The following ZNF726 variants were observed in gnomAD, a reference collection of about 807,000 sequenced individuals.
The protein encoded by ZNF726 is zinc finger protein 92 pseudogene 3.
Under a neutral mutation model 11.6 loss-of-function variants are expected in ZNF726, and 15 were observed. The ratio of observed to expected loss-of-function variants is 1.29; its 90% CI spans 0.86 to 1.99. The LOEUF (loss-of-function observed/expected upper bound fraction) is 1.99. Ranked by LOEUF, ZNF726 falls within the 30% of genes most tolerant of loss-of-function variation. ZNF726 has a pLI of 0.00. For missense variants in ZNF726, 890 were observed against 725.6 expected, an observed-to-expected ratio of 1.23 and a Z score of -2.60; for synonymous variants, 295 against 243.6, an observed-to-expected ratio of 1.21 and a Z score of -1.96.
At chr19:23,936,493 CAT>C (rs59068605), downstream of ZNF726, among the ~76,000 whole-genome samples, 26,300 of 151,898 alleles carry the variant, frequency 0.17, 2,356 homozygotes, top group East Asian at 0.22. Context: ...CATGTGAAAA[CAT>C]GTGACTAATT....
chr19:23,920,055 C>G lies in ZNF726; in HGVS notation c.199C>G (p.Arg67Gly), dbSNP rs764106093. The G allele has an allele frequency of 6.6e-5, 105 of 1,586,904 alleles. 3 individuals carry two copies. The South Asian group carries it at 1.1e-3, about 17-fold the overall frequency. ...AGAAAAAGAGCCCTGGAATATGAAG[C>G]GAGATGAGATGGTGGATGAACCCCC... ...EKEKEPWNMK[R>G]DEMVDEPPGI... The change falls in exon 3 of 4, where the codon CGA becomes GGA. Residue 67 changes from arginine (R) to glycine (G), a missense_variant. Physicochemically the swap from Arg to Gly is moderately radical, Grantham distance 125. Coordinates refer to ENST00000594466, the MANE Select transcript of ZNF726 (RefSeq NM_001244038.2).
At chr19:23,927,532 C>T (rs1229092857) in intron 3 of ZNF726, among the ~76,000 whole-genome samples, 1 of 152,174 alleles carries the variant, frequency 6.6e-6, no homozygotes, top group Non-Finnish European at 1.5e-5. Flanking sequence ...TACTCTGTCA[C>T]CCAGGCTGGA....
chr19:23,937,750 G>A (rs143736958), downstream of ZNF726, among the ~76,000 whole-genome samples: 10,764 of 152,188 alleles, frequency 0.071, 875 homozygotes, highest in African/African-American at 0.19. Context: ...GGTGGTGGCC[G>A]GGCAGAGGCT....
At position 23,933,795 on chromosome 19, in the gene ZNF726, C is replaced by T. The variant is rs549866302; in HGVS notation, c.1679C>T (p.Thr560Ile). 1.2e-6 allele frequency: 2 copies of T among 1,607,086 alleles called. No homozygotes were observed. Among genetic ancestry groups the T allele is most frequent in the African/African-American group, 2.7e-5 (2 of 74,416 alleles). Residue 560 changes from threonine to isoleucine, a missense_variant, in exon 4 of 4, where the codon ACT becomes ATT. Thr to Ile is a moderately conservative substitution (Grantham distance 89). Coordinates refer to ENST00000594466, the MANE Select transcript of ZNF726 (RefSeq NM_001244038.2). ...SNLSTHKIIH[T>I]GEKPYKCEEC... ...CTTAGTACACATAAGATAATTCATA[C>T]TGGAGAGAAACCTTACAAGTGTGAA... is the stretch of plus-strand genomic sequence containing the variant.
In ZNF726 at chr19:23,934,254, C is replaced by A. The variant is rs768198050; in HGVS notation, c.*287C>A. The A allele has an allele frequency of 4.5e-6, 3 of 672,022 alleles. No individual in the cohort carries two copies. The highest frequency in any genetic ancestry group is 5.6e-6 in the Non-Finnish European group (2 of 355,186). The allele number at this position is 672,022 out of a possible 1,614,324, so 41.6% of individuals were successfully genotyped here. ...TGAAAAATGTGGCAAAGCATATGGT[C>A]CACACCCCTAAGTAGACATAAGAGG... On this transcript the variant is annotated 3_prime_UTR_variant, in exon 4 of 4. Transcript: ENST00000594466.
intron 3 of ZNF726, among the ~76,000 whole-genome samples, chr19:23,930,093 C>T (rs1243911711): frequency 2.0e-5 from 3 of 152,206 alleles, no homozygotes; most frequent in Non-Finnish European, 2.9e-5. Flanking sequence ...GGTGCCTGGC[C>T]ACCATGTACC....
At chr19:23,917,618 G>A (rs1599449429) in intron 1 of ZNF726, among the ~76,000 whole-genome samples, 1 of 151,704 alleles carries the variant, frequency 6.6e-6, no homozygotes, top group East Asian at 1.9e-4. Context: ...TTTTTAGCAG[G>A]GTAAAATTTT....
At chr19:23,940,656 A>G (rs949751752) in intron 3 of ZNF726, among the ~76,000 whole-genome samples, 4 of 152,074 alleles carry the variant, frequency 2.6e-5, no homozygotes, top group African/African-American at 4.8e-5. Context: ...TGTGTCATCT[A>G]TGATATCTTT....
chr19:23,929,075 T>C (rs1369120358), intron 3 of ZNF726: 1 of 152,014 alleles, frequency 6.6e-6, no homozygotes, highest in Non-Finnish European at 1.5e-5. Context: ...TGAGATTATA[T>C]TTTTTTCTAT....
At position 23,933,934 on chromosome 19, in the gene ZNF726, A is replaced by C; in HGVS notation, c.1818A>C (p.Ser606=). 6.3e-7 allele frequency: 1 copy of C among 1,582,136 alleles called. No individual in the cohort carries two copies. Among genetic ancestry groups the C allele is most frequent in the Non-Finnish European group, 8.6e-7 (1 of 1,163,572 alleles). The change falls in exon 4 of 4, where the codon TCA becomes TCC. Residue 606 remains serine (S), a synonymous_variant. Transcript: ENST00000594466. The stretch of plus-strand genomic sequence containing the variant: ...GTGGCAAATCATTTATCTGGTCCTC[A>C]ACCCTTTTTAAGCATAAGAGGATTC... ...DECGKSFIWS[S]TLFKHKRIHT is the part of the protein sequence containing the mutation.
chr19:23,923,885 C>T (rs1025894105), intron 3 of ZNF726: 2 of 152,196 alleles, frequency 1.3e-5, no homozygotes, highest in African/African-American at 4.8e-5. Context: ...TTGGTTTTTT[C>T]TTATATATTA....
At chr19:23,943,986 AG>A (rs1246583304) in intron 4 of ZNF726, 1 of 153,898 alleles carries the variant, frequency 6.5e-6, no homozygotes, top group East Asian at 1.9e-4. Context: ...GGTGATATTA[AG>A]ATTTGTTTCA....
chr19:23,927,602 C>A (rs958659818), intron 3 of ZNF726, among the ~76,000 whole-genome samples: 20 of 152,226 alleles, frequency 1.3e-4, no homozygotes, highest in African/African-American at 4.8e-4. Flanking sequence ...AGTGATCTTT[C>A]CACCTCAGTG....
chr19:23,932,985 G>C lies in ZNF726; in HGVS notation c.869G>C (p.Cys290Ser). ...GAGAAACCCTGCAAATGTGAAGAATGTGGCAAAGCATTTAGCCAACCCTCA... is the reference window on the plus strand; with the variant it reads ...GAGAAACCCTGCAAATGTGAAGAATCTGGCAAAGCATTTAGCCAACCCTCA... ...TGEKPCKCEECGKAFSQPSAL... is the reference protein window; with the variant it reads ...TGEKPCKCEESGKAFSQPSAL... The change falls in exon 4 of 4, where the codon TGT becomes TCT. Residue 290 changes from cysteine (C) to serine (S), a missense_variant. Cys to Ser is a moderately radical substitution (Grantham distance 112). Coordinates refer to ENST00000594466, the MANE Select transcript of ZNF726 (RefSeq NM_001244038.2). 1 of 1,612,560 alleles carries C rather than the reference G, an allele frequency of 6.2e-7. No individual in the cohort carries two copies. The highest frequency in any genetic ancestry group is 1.7e-5 in the Admixed American group (1 of 59,908).
At chr19:23,925,235 G>T (rs1030682913) in intron 3 of ZNF726, among the ~76,000 whole-genome samples, 1 of 151,720 alleles carries the variant, frequency 6.6e-6, no homozygotes, top group East Asian at 1.9e-4. Context: ...CCTATGTTAT[G>T]TATTTTAGAT....
At chr19:23,936,724 G>A (rs888471463), downstream of ZNF726, among the ~76,000 whole-genome samples, 2 of 150,696 alleles carry the variant, frequency 1.3e-5, no homozygotes, top group African/African-American at 4.9e-5. Flanking sequence ...TTTTTTCATG[G>A]CAGTTTGATT....
rs1278230917 is a variant in ZNF726 at position 23,934,441 on chromosome 19, T to C, written c.*474T>C. The C allele has an allele frequency of 2.4e-6, 1 of 421,416 alleles. No homozygotes were observed. Among genetic ancestry groups the C allele is most frequent in the Non-Finnish European group, 4.8e-6 (1 of 209,574 alleles). 26.1% of individuals were successfully genotyped at this position (421,416 alleles called of 1,614,324 possible). A position where few individuals can be genotyped will look rare whatever the true frequency, so the allele number is the denominator to read the frequency against. On this transcript the variant is annotated 3_prime_UTR_variant, in exon 4 of 4. Transcript: ENST00000594466. ...AGCAGTCTTCAATCCTGAGTAACCATAAGATAATTCAAACTGGAAAGAAAC... is the reference window on the plus strand; with the variant it reads ...AGCAGTCTTCAATCCTGAGTAACCACAAGATAATTCAAACTGGAAAGAAAC...
In ZNF726 at chr19:23,932,439, A is replaced by G. The variant is rs763333188; in HGVS notation, c.323A>G (p.His108Arg). The G allele has an allele frequency of 6.4e-7, 1 of 1,573,436 alleles. No individual in the cohort carries two copies. Among genetic ancestry groups the G allele is most frequent in the Non-Finnish European group, 8.6e-7 (1 of 1,163,490 alleles). The change falls in exon 4 of 4, where the codon CAT becomes CGT. Residue 108 changes from histidine (H) to arginine (R), a missense_variant. By Grantham distance (29) the His-to-Arg change is conservative. Coordinates refer to ENST00000594466, the MANE Select transcript of ZNF726 (RefSeq NM_001244038.2). Reference protein sequence around the residue: ...VILRRFEKCGHENLQLRKGCK... With the variant: ...VILRRFEKCGRENLQLRKGCK... ...CTAAGAAGATTTGAAAAATGTGGAC[A>G]TGAGAATTTACAGTTAAGAAAAGGT...
chr19:23,937,699 G>A (rs1002870041), downstream of ZNF726, among the ~76,000 whole-genome samples: 2 of 151,788 alleles, frequency 1.3e-5, no homozygotes, highest in African/African-American at 2.4e-5. Context: ...CATCCCAGAC[G>A]ATGGGCGGCC....
Sources: gnomAD v4.1 joint callset for allele counts (sites outside exome capture counted in the v4.1 genomes callset) on GRCh38, gnomAD v4.1.1 for gene constraint, MANE v1.5 for transcripts, NCBI Gene and HGNC (gene_info 2026-07-23, HGNC 2026-07-21) for gene names.